SOBP: variants seen among roughly 807,000 people sequenced by gnomAD.
SOBP encodes sine oculis binding protein homolog, also known as sine oculis-binding protein homolog.
SOBP carries 4 observed loss-of-function variants against 53.6 expected under a neutral mutation model. The ratio of observed to expected loss-of-function variants is 0.07; its 90% confidence interval spans 0.04 to 0.17. The LOEUF (loss-of-function observed/expected upper bound fraction) is 0.17. Ranked by LOEUF, SOBP falls within the 10% of genes least tolerant of loss-of-function variation. The pLI is 1.00. For synonymous variants in SOBP, 584 were observed against 522.6 expected (o/e 1.12, Z -1.60); for missense variants, 1,088 against 1,204.7 (o/e 0.90, Z 1.43).
intron 4 of SOBP, among the ~76,000 whole-genome samples, chr6:107,541,530 ATCCCAC>A: frequency 6.6e-6 from 1 of 152,298 alleles, no homozygotes; most frequent in South Asian, 2.1e-4. Flanking sequence ...GCATTAATTA[ATCCCAC>A]TCCCACTCCA....
At position 107,642,659 on chromosome 6, in the gene SOBP, C is replaced by T. The variant is rs867912580; in HGVS notation, c.*3+7190C>T. Reference sequence around the variant, plus strand: ...GCTTCCAGTGCTCCCAGCCTCATTCCCATCCAGATATTTGGCTGCACCAGC... The same window carrying T: ...GCTTCCAGTGCTCCCAGCCTCATTCTCATCCAGATATTTGGCTGCACCAGC... On this transcript the variant is annotated intron_variant, in intron 6 of 6. Coordinates refer to ENST00000317357, the MANE Select transcript of SOBP (RefSeq NM_018013.4). 2.0e-5 allele frequency among the ~76,000 whole-genome samples: 3 copies of T among 152,204 alleles called. No homozygotes were observed. In the South Asian group the frequency reaches 6.2e-4, roughly 32 times the overall value.
intron 1 of SOBP, among the ~76,000 whole-genome samples, chr6:107,499,878 G>C (rs1160996156): frequency 6.6e-6 from 1 of 151,994 alleles, no homozygotes; most frequent in Non-Finnish European, 1.5e-5. Flanking sequence ...AAATCTGTCT[G>C]CATTTTAACT....
At chr6:107,576,107 C>T (rs780744019) in intron 4 of SOBP, among the ~76,000 whole-genome samples, 1 of 152,164 alleles carries the variant, frequency 6.6e-6, no homozygotes, top group African/African-American at 2.4e-5. Flanking sequence ...ATAGCACCTC[C>T]GTTAACAGGT....
At position 107,490,262 on chromosome 6, in the gene SOBP, G is replaced by GGCGGCGGCGGGAGCGGCA. The variant is rs1170632303; in HGVS notation, c.-349_-332dup. On this transcript the variant is annotated 5_prime_UTR_variant, in exon 1 of 7. Coordinates refer to ENST00000317357, the MANE Select transcript of SOBP (RefSeq NM_018013.4). ...GGCCCCGAGGATGCGGCCCGGCGGC[G>GGCGGCGGCGGGAGCGGCA]GCGGCGGCGGGAGCGGCAGCGGCAG... 2.0e-5 allele frequency: 3 copies of GGCGGCGGCGGGAGCGGCA among 148,914 alleles called. No individual in the cohort carries two copies. Among genetic ancestry groups the GGCGGCGGCGGGAGCGGCA allele is most frequent in the East Asian group, 2.0e-4 (1 of 5,108 alleles). The allele number at this position is 148,914 out of a possible 1,614,324, so 9.2% of individuals were successfully genotyped here.
intron 4 of SOBP, among the ~76,000 whole-genome samples, chr6:107,584,301 G>A (rs1694626032): frequency 6.6e-6 from 1 of 151,730 alleles, no homozygotes. Flanking sequence ...ATGCAGCTGG[G>A]GTAGCGAATT....
chr6:107,508,725 C>G (rs1783071056), intron 3 of SOBP, among the ~76,000 whole-genome samples: 1 of 151,988 alleles, frequency 6.6e-6, no homozygotes, highest in African/African-American at 2.4e-5. Flanking sequence ...TTATTGTGCC[C>G]CTGTTCTCCT....
At chr6:107,647,953 G>A (rs1562126279) in intron 6 of SOBP, among the ~76,000 whole-genome samples, 1 of 152,030 alleles carries the variant, frequency 6.6e-6, no homozygotes. Context: ...TGCTGTTGGG[G>A]GAGAAATCAG....
chr6:107,509,708 A>G (rs1004271875), intron 3 of SOBP: 4 of 152,222 alleles, frequency 2.6e-5, no homozygotes, highest in African/African-American at 9.6e-5. Flanking sequence ...CTAATTCCAC[A>G]TCAGATCAGG....
Position 107,634,797 on chromosome 6 carries a change from C to T in SOBP, c.1953C>T (p.Asp651=), listed in dbSNP as rs1157732784. 3 of 1,401,100 alleles carry T rather than the reference C, an allele frequency of 2.1e-6. No homozygotes were observed. Among genetic ancestry groups the T allele is most frequent in the African/African-American group, 1.5e-5 (1 of 66,740 alleles). The allele number at this position is 1,401,100 out of a possible 1,614,324, so 86.8% of individuals were successfully genotyped here. Reference sequence around the variant, plus strand: ...CAGGCGTGCTGCAGGGCCCGCAGGACGGCGTCATCGACCTGACCGTGGGCC... The same window carrying T: ...CAGGCGTGCTGCAGGGCCCGCAGGATGGCGTCATCGACCTGACCGTGGGCC... The part of the protein sequence containing the change: ...GFPGVLQGPQ[D]GVIDLTVGHR... Residue 651 remains aspartate (D), a synonymous_variant, in exon 6 of 7, where the codon GAC becomes GAT. Transcript: ENST00000317357. This position sits in a 1 kb window ranked among gnomAD's most constrained non-coding sequence, Gnocchi z 4.5.
chr6:107,577,809 C>T (rs1785277498), intron 4 of SOBP, among the ~76,000 whole-genome samples: 1 of 152,128 alleles, frequency 6.6e-6, no homozygotes, highest in African/African-American at 2.4e-5. Context: ...CGTGGTTGCT[C>T]ATGCCTGTAA....
At chr6:107,632,775 A>AT (rs1303240000) in intron 5 of SOBP, among the ~76,000 whole-genome samples, 1 of 152,250 alleles carries the variant, frequency 6.6e-6, no homozygotes, top group African/African-American at 2.4e-5. Flanking sequence ...GGAAAAAGCC[A>AT]TAACAACTTT....
intron 4 of SOBP, among the ~76,000 whole-genome samples, chr6:107,548,464 C>A (rs12197469): frequency 1.4e-4 from 21 of 151,838 alleles, no homozygotes; most frequent in East Asian, 5.9e-4. Context: ...GGATGGTCTC[C>A]ATCTCCTGAC....
chr6:107,517,155 G>A (rs1442361425), intron 3 of SOBP, among the ~76,000 whole-genome samples: 2 of 152,206 alleles, frequency 1.3e-5, no homozygotes, highest in African/African-American at 4.8e-5. Context: ...AGGCAAGGAT[G>A]CAAGGATGTA....
chr6:107,524,051 A>G (rs1376790009), intron 3 of SOBP, among the ~76,000 whole-genome samples: 2 of 152,256 alleles, frequency 1.3e-5, no homozygotes, highest in Non-Finnish European at 2.9e-5. Context: ...GTCAGATCTC[A>G]GAAGGGGAAA....
At chr6:107,504,996 T>C (rs1782941701) in intron 2 of SOBP, among the ~76,000 whole-genome samples, 1 of 152,218 alleles carries the variant, frequency 6.6e-6, no homozygotes, top group African/African-American at 2.4e-5. Context: ...TTTCCATGGT[T>C]GAGGTTTTTG....
rs370522624 is a variant in SOBP at position 107,631,941 on chromosome 6, A to T, written c.670-1573A>T. 7.2e-5 allele frequency among the ~76,000 whole-genome samples: 11 copies of T among 152,290 alleles called. No homozygotes were observed. The East Asian group carries it at 1.9e-3, about 27-fold the overall frequency. On this transcript the variant is annotated intron_variant, in intron 5 of 6. Coordinates refer to ENST00000317357, the MANE Select transcript of SOBP (RefSeq NM_018013.4). ...GAAAAGAGTGGATTTACACATACAG[A>T]CCCACATCTGCCAAGTGCGTGTTCG... is the stretch of plus-strand genomic sequence containing the variant.
chr6:107,541,764 A>G (rs916043312), intron 4 of SOBP, among the ~76,000 whole-genome samples: 2 of 152,208 alleles, frequency 1.3e-5, no homozygotes, highest in African/African-American at 4.8e-5. Flanking sequence ...AATCTTTGTT[A>G]TAAGGAGAAT....
At chr6:107,572,173 C>A (rs192031658) in intron 4 of SOBP, among the ~76,000 whole-genome samples, 22 of 152,174 alleles carry the variant, frequency 1.4e-4, no homozygotes, top group African/African-American at 4.8e-4. Context: ...TTAAACAAAA[C>A]CAAACCCTGA....
rs1200077508 is a variant in SOBP, at chr6:107,634,620, C to A, written c.1776C>A (p.Ser592=). ...LSPRDSKQGS[S]KSADSPPGCS... Reference sequence around the variant, plus strand: ...CCCGGGACTCCAAGCAGGGCTCGTCCAAGTCCGCGGACTCGCCCCCCGGCT... The same window carrying A: ...CCCGGGACTCCAAGCAGGGCTCGTCAAAGTCCGCGGACTCGCCCCCCGGCT... The change falls in exon 6 of 7, where the codon TCC becomes TCA. Residue 592 remains serine, a synonymous_variant. Transcript: ENST00000317357. The surrounding 1 kb of genome is among the most constrained non-coding windows in gnomAD (Gnocchi z 4.5). 6.3e-7 allele frequency: 1 copy of A among 1,593,110 alleles called. No individual in the cohort carries two copies. Among genetic ancestry groups the A allele is most frequent in the South Asian group, 1.1e-5 (1 of 89,958 alleles).
Sources: gnomAD v4.1 joint callset for allele counts (sites outside exome capture counted in the v4.1 genomes callset) on GRCh38, gnomAD v4.1.1 for gene constraint, Gnocchi (gnomAD v3.1) non-coding constraint, MANE v1.5 for transcripts, NCBI Gene and HGNC (gene_info 2026-07-23, HGNC 2026-07-21) for gene names.